CNTN5: variants seen among roughly 807,000 people sequenced by gnomAD.
CNTN5 encodes the protein contactin-5.
In CNTN5, 77 loss-of-function variants were observed where a neutral mutation model predicts 129.1. The observed-to-expected ratio is 0.60, with a 90% CI of 0.50 to 0.72. The LOEUF (loss-of-function observed/expected upper bound fraction) is 0.72, where lower values mean the gene tolerates loss of function less well. Among genes scored for constraint, CNTN5 ranks in the 30% least tolerant of loss-of-function variants. The pLI is 0.00. For missense variants in CNTN5, 1,478 were observed against 1,328.8 expected (o/e 1.11, Z -1.75); for synonymous variants, 509 against 465.6 (o/e 1.09, Z -1.20).
chr11:99,215,077 G>A (rs1244177581), intron 1 of CNTN5, among the ~76,000 whole-genome samples: 1 of 152,006 alleles, frequency 6.6e-6, no homozygotes, highest in Non-Finnish European at 1.5e-5. Flanking sequence ...AACCAAGTAT[G>A]TGGCTCCTTG....
In CNTN5 at chr11:99,074,126, C is replaced by A. The variant is rs186066519; in HGVS notation, c.-210+52856C>A. ...TTTTGATTTGTATTTCTCTAATGAC[C>A]AGTGATATCGAGCTTTTTTTCATAT... On this transcript the variant is annotated intron_variant, in intron 1 of 24. Coordinates refer to ENST00000524871, the MANE Select transcript of CNTN5 (RefSeq NM_014361.4). Among the ~76,000 whole-genome samples, 17 of 152,192 alleles carry A rather than the reference C, an allele frequency of 1.1e-4. No homozygotes were observed. The East Asian group carries it at 3.3e-3, about 29-fold the overall frequency.
At chr11:100,193,793 C>T in intron 15 of CNTN5, 130 bp downstream of exon 15, 1 of 700,910 alleles carries the variant, frequency 1.4e-6, no homozygotes, top group Non-Finnish European at 2.3e-6. Context: ...AAAACAATTA[C>T]TTTCTGCCAT....
chr11:99,722,377 A>G (rs1015503076), intron 3 of CNTN5, among the ~76,000 whole-genome samples: 1 of 152,138 alleles, frequency 6.6e-6, no homozygotes. Context: ...AAATGAATGC[A>G]GGACAGAAAA....
intron 3 of CNTN5, among the ~76,000 whole-genome samples, chr11:99,786,613 A>G (rs1238063831): frequency 1.3e-5 from 2 of 152,166 alleles, no homozygotes; most frequent in South Asian, 2.1e-4. Context: ...TATACTACAA[A>G]GCTGCATTAA....
intron 2 of CNTN5, among the ~76,000 whole-genome samples, chr11:99,451,672 C>T (rs900818410): frequency 2.6e-5 from 4 of 152,046 alleles, no homozygotes; most frequent in African/African-American, 9.7e-5. Context: ...TAAAATTATC[C>T]TTACAGTTGA....
intron 2 of CNTN5, among the ~76,000 whole-genome samples, chr11:99,510,337 G>T (rs1371431247): frequency 6.6e-6 from 1 of 152,154 alleles, no homozygotes; most frequent in Non-Finnish European, 1.5e-5. Context: ...CACTGTTGGT[G>T]AGAGTATAAA....
intron 21 of CNTN5, among the ~76,000 whole-genome samples, chr11:100,330,971 A>T (rs1239372769): frequency 1.3e-5 from 2 of 152,194 alleles, no homozygotes; most frequent in African/African-American, 2.4e-5. Context: ...ATAGAACAGT[A>T]CCTCATATCT....
intron 7 of CNTN5, among the ~76,000 whole-genome samples, chr11:99,927,615 T>G (rs1950092781): frequency 2.6e-5 from 4 of 152,000 alleles, no homozygotes; most frequent in Admixed American, 6.6e-5. Context: ...TTACAAAACC[T>G]TCAGATCTCT....
At chr11:99,103,339 G>A (rs1314678362) in intron 1 of CNTN5, among the ~76,000 whole-genome samples, 1 of 152,134 alleles carries the variant, frequency 6.6e-6, no homozygotes, top group Non-Finnish European at 1.5e-5. Flanking sequence ...CAGCACCAAG[G>A]TGGTAGTGGG....
intron 1 of CNTN5, among the ~76,000 whole-genome samples, chr11:99,278,695 T>C (rs1420876421): frequency 6.6e-6 from 1 of 151,774 alleles, no homozygotes; most frequent in African/African-American, 2.4e-5. Context: ...AACAAGAGCT[T>C]ATATACCTCA....
intron 3 of CNTN5, among the ~76,000 whole-genome samples, chr11:99,571,750 T>C (rs1336643909): frequency 3.9e-5 from 6 of 152,196 alleles, no homozygotes; most frequent in Non-Finnish European, 8.8e-5. Flanking sequence ...CTGGTCATAC[T>C]TCCATAGAGT....
At chr11:100,034,183 A>ATGAATGAGGTATAC (rs1314065865) in intron 9 of CNTN5, among the ~76,000 whole-genome samples, 1 of 152,194 alleles carries the variant, frequency 6.6e-6, no homozygotes, top group Non-Finnish European at 1.5e-5. Flanking sequence ...CCTCATGTGT[A>ATGAATGAGGTATAC]AGCTGGATGA....
chr11:100,289,307 CA>C (rs1950889237), intron 18 of CNTN5, among the ~76,000 whole-genome samples: 1 of 152,002 alleles, frequency 6.6e-6, no homozygotes, highest in South Asian at 2.1e-4. Flanking sequence ...ACACAACGAA[CA>C]AAGAGAATTT....
intron 1 of CNTN5, among the ~76,000 whole-genome samples, chr11:99,129,361 G>A (rs1858815011): frequency 6.6e-6 from 1 of 152,126 alleles, no homozygotes; most frequent in Admixed American, 6.6e-5. Context: ...ATCACAGCTT[G>A]AAGGCCATCT....
chr11:99,768,492 T>G (rs1168465255), intron 3 of CNTN5, among the ~76,000 whole-genome samples: 1 of 152,132 alleles, frequency 6.6e-6, no homozygotes, highest in Non-Finnish European at 1.5e-5. Context: ...TCAAGGAGTA[T>G]GCATTGCCAT....
intron 3 of CNTN5, among the ~76,000 whole-genome samples, chr11:99,790,799 G>A (rs1175963798): frequency 1.3e-5 from 2 of 152,018 alleles, no homozygotes; most frequent in Non-Finnish European, 2.9e-5. Flanking sequence ...CAACATATAA[G>A]CCATCCCTTT....
chr11:100,115,082 A>G (rs990517904), intron 13 of CNTN5, among the ~76,000 whole-genome samples: 2 of 147,116 alleles, frequency 1.4e-5, no homozygotes, highest in Non-Finnish European at 3.0e-5. Context: ...GAGAAGGACT[A>G]CATGAATTTT....
chr11:99,330,233 G>T (rs1159228005), intron 2 of CNTN5, among the ~76,000 whole-genome samples: 1 of 149,638 alleles, frequency 6.7e-6, no homozygotes, highest in Non-Finnish European at 1.5e-5. Flanking sequence ...AGGGAAGGAA[G>T]GAGGAAGAAA....
intron 8 of CNTN5, among the ~76,000 whole-genome samples, chr11:99,974,144 T>C (rs564159576): frequency 6.6e-6 from 1 of 152,342 alleles, no homozygotes; most frequent in East Asian, 1.9e-4. Flanking sequence ...CTAAAAGCAT[T>C]TCATACATTC....
Sources: gnomAD v4.1 joint callset for allele counts (sites outside exome capture counted in the v4.1 genomes callset) on GRCh38, gnomAD v4.1.1 for gene constraint, MANE v1.5 for transcripts, NCBI Gene and HGNC (gene_info 2026-07-23, HGNC 2026-07-21) for gene names.